The following KLC1 variants were observed in gnomAD, a reference collection of about 807,000 sequenced individuals.
KLC1 encodes kinesin 2 60/70kDa.
Under a neutral mutation model 84.2 loss-of-function variants are expected in KLC1, and 30 were observed. The observed-to-expected ratio is 0.36, with a 90% CI of 0.27 to 0.48. The LOEUF is 0.48. KLC1 is among the 20% of genes least tolerant of loss of function. The pLI, the probability that KLC1 is intolerant of heterozygous loss-of-function variation, is 0.99. For missense variants in KLC1, 499 were observed against 805.4 expected (o/e 0.62, Z 4.60); for synonymous variants, 289 against 293.3 (o/e 0.99, Z 0.15).
At chr14:103,678,923 A>G (rs149216351) in intron 12 of KLC1, among the ~76,000 whole-genome samples, 1 of 152,320 alleles carries the variant, frequency 6.6e-6, no homozygotes, top group African/African-American at 2.4e-5. Context: ...CTGAAATCAC[A>G]GTGAGATACT....
chr14:103,694,984 G>C lies in KLC1; in HGVS notation c.1848+2559G>C. ...GCCCAGGAGCTGCCCTGTGGAGCCA[G>C]CGTTGTCCCCGAGCTGCTCGCCTGT... On this transcript the variant is annotated intron_variant, in intron 15 of 16. Transcript: ENST00000334553. This position sits in a 1 kb window ranked among gnomAD's most constrained non-coding sequence, Gnocchi z 4.5. The C allele has an allele frequency of 1.0e-6, 1 of 985,442 alleles. No individual in the cohort carries two copies. Among genetic ancestry groups the C allele is most frequent in the South Asian group, 4.7e-5 (1 of 21,294 alleles). 61.0% of individuals were successfully genotyped at this position (985,442 alleles called of 1,614,324 possible).
At chr14:103,650,702 C>T (rs767909417) in intron 1 of KLC1, among the ~76,000 whole-genome samples, 2 of 151,642 alleles carry the variant, frequency 1.3e-5, no homozygotes, top group Non-Finnish European at 2.9e-5. Flanking sequence ...CCTCAACCTC[C>T]CGAGTAGCTG....
At chr14:103,636,110 T>C (rs900275511) in intron 1 of KLC1, among the ~76,000 whole-genome samples, 13 of 152,218 alleles carry the variant, frequency 8.5e-5, no homozygotes, top group Non-Finnish European at 1.3e-4. Flanking sequence ...CTCTTTCATC[T>C]GGCAGCGCTG....
chr14:103,671,146 T>C (rs1695587561), intron 7 of KLC1, among the ~76,000 whole-genome samples: 2 of 152,104 alleles, frequency 1.3e-5, no homozygotes, highest in Non-Finnish European at 2.9e-5. Context: ...CCAAATATGC[T>C]TTATGAAGCT....
chr14:103,642,168 G>A (rs1018449124), intron 1 of KLC1, among the ~76,000 whole-genome samples: 9 of 152,174 alleles, frequency 5.9e-5, no homozygotes, highest in African/African-American at 2.2e-4. Context: ...GATTTCAGGT[G>A]ATTCACCCAC....
chr14:103,658,198 C>A (rs932606855), intron 3 of KLC1, among the ~76,000 whole-genome samples: 1 of 152,244 alleles, frequency 6.6e-6, no homozygotes, highest in Non-Finnish European at 1.5e-5. Flanking sequence ...CTCTCATCCT[C>A]CCCTTGGCTT....
At chr14:103,653,011 C>G (rs1275586664) in intron 1 of KLC1, among the ~76,000 whole-genome samples, 1 of 152,236 alleles carries the variant, frequency 6.6e-6, no homozygotes, top group Non-Finnish European at 1.5e-5. Flanking sequence ...TAGTCTGTAT[C>G]TGCTGATTCA....
chr14:103,675,979 A>G (rs1418591551), intron 11 of KLC1, among the ~76,000 whole-genome samples: 1 of 152,210 alleles, frequency 6.6e-6, no homozygotes, highest in Non-Finnish European at 1.5e-5. Context: ...GGTAATTGCG[A>G]TTTTGCCATT....
intron 15 of KLC1, chr14:103,698,743 C>G: frequency 1.3e-6 from 2 of 1,503,772 alleles, no homozygotes; most frequent in South Asian, 2.4e-5. Context: ...TTTAAAGGCC[C>G]GAGCCCCGTG....
chr14:103,693,389 C>T lies in KLC1; in HGVS notation c.1848+964C>T, dbSNP rs1318893997. ...TCCTGTAGCTGACCCAGTGTTTGCC[C>T]TCCAGTTTCTTGGAGTTTCTACATG... is the stretch of plus-strand genomic sequence containing the variant. On this transcript the variant is annotated intron_variant, in intron 15 of 16. Coordinates refer to ENST00000334553, the MANE Select transcript of KLC1 (RefSeq NM_001394837.1). This position sits in a 1 kb window ranked among gnomAD's most constrained non-coding sequence, Gnocchi z 5.1. Among the ~76,000 whole-genome samples the T allele has an allele frequency of 6.6e-6, 1 of 152,164 alleles. No homozygotes were observed. Among genetic ancestry groups the T allele is most frequent in the Admixed American group, 6.5e-5 (1 of 15,274 alleles).
rs779757605 is a variant in KLC1, at chr14:103,679,530, C to T, written c.1635C>T (p.Ser545=). 62 of 1,613,576 alleles carry T rather than the reference C, an allele frequency of 3.8e-5. No individual in the cohort carries two copies. Among genetic ancestry groups the T allele is most frequent in the Middle Eastern group, 1.6e-4 (1 of 6,080 alleles). Reference sequence around the variant, plus strand: ...ACGGAGGGGAGGAAGTGAGTATGAGCGTAGAGTGGAACGGGGTAAGTACAG... The same window carrying T: ...ACGGAGGGGAGGAAGTGAGTATGAGTGTAGAGTGGAACGGGGTAAGTACAG... ...GPDGGEEVSM[S]VEWNGDGTGS... Residue 545 remains serine (S), a synonymous_variant, in exon 13 of 17, where the codon AGC becomes AGT. Transcript: ENST00000334553.
chr14:103,646,956 T>A (rs1481466427), intron 1 of KLC1, among the ~76,000 whole-genome samples: 1 of 152,120 alleles, frequency 6.6e-6, no homozygotes, highest in Non-Finnish European at 1.5e-5. Flanking sequence ...TTGGATTACT[T>A]TAGAGGTAAA....
chr14:103,673,518 A>G, intron 9 of KLC1, 87 bp downstream of exon 9: 3 of 814,846 alleles, frequency 3.7e-6, no homozygotes, highest in Non-Finnish European at 3.8e-6. Context: ...GTTACTGTTT[A>G]TTAAGCACTT....
chr14:103,671,354 G>A (rs1040864805), intron 7 of KLC1, among the ~76,000 whole-genome samples: 5 of 151,860 alleles, frequency 3.3e-5, no homozygotes, highest in African/African-American at 4.8e-5. Flanking sequence ...GGGTCTATCC[G>A]ATGAGTGACC....
At chr14:103,666,040 T>G (rs2079762725) in intron 5 of KLC1, among the ~76,000 whole-genome samples, 2 of 152,238 alleles carry the variant, frequency 1.3e-5, no homozygotes, top group Admixed American at 6.5e-5. Flanking sequence ...ATGTTTGTTT[T>G]CTTTTGAATT....
chr14:103,651,046 G>A (rs1049338119), intron 1 of KLC1, among the ~76,000 whole-genome samples: 1 of 149,312 alleles, frequency 6.7e-6, no homozygotes, highest in Admixed American at 6.7e-5. Context: ...GTCTTGCTCT[G>A]TCGCCCAGGC....
chr14:103,652,984 C>A (rs2078575291), intron 1 of KLC1, among the ~76,000 whole-genome samples: 1 of 152,182 alleles, frequency 6.6e-6, no homozygotes, highest in Non-Finnish European at 1.5e-5. Flanking sequence ...AGCTTCACCC[C>A]AAAATCCTGG....
Position 103,687,218 on chromosome 14 carries a change from A to G in KLC1, c.1781+7A>G, listed in dbSNP as rs1271037213. On this transcript the variant is annotated splice_region_variant and intron_variant, in intron 14 of 16. Coordinates refer to ENST00000334553, the MANE Select transcript of KLC1 (RefSeq NM_001394837.1). ...GTGAGCCAAAGAACCCCGGGTAACT[A>G]TCTCTTCCAGCTCTCCCGACTCCCT... is the stretch of plus-strand genomic sequence containing the variant. 1.2e-5 allele frequency: 18 copies of G among 1,538,270 alleles called. No homozygotes were observed. The highest frequency in any genetic ancestry group is 7.9e-5 in the Admixed American group (4 of 50,734).
At chr14:103,679,876 C>T (rs2081209597) in intron 13 of KLC1, 3 of 233,098 alleles carry the variant, frequency 1.3e-5, no homozygotes, top group African/African-American at 4.5e-5. Context: ...GCTTCTTTAA[C>T]TCACCCATTT....
Sources: allele counts gnomAD v4.1 joint callset (sites outside exome capture counted in the v4.1 genomes callset), GRCh38; gene constraint gnomAD v4.1.1; non-coding constraint Gnocchi (gnomAD v3.1); transcripts MANE v1.5; gene names NCBI Gene and HGNC (gene_info 2026-07-23, HGNC 2026-07-21).